The following RSRC1 variants were observed in gnomAD, a reference collection of about 807,000 sequenced individuals.
The protein encoded by RSRC1 is serine/Arginine-related protein 53.
Under a neutral mutation model 49.1 loss-of-function variants are expected in RSRC1, and 39 were observed. The ratio of observed to expected loss-of-function variants is 0.79; its 90% CI spans 0.61 to 1.04. The LOEUF (loss-of-function observed/expected upper bound fraction) is 1.04. Ranked by LOEUF, RSRC1 falls within the 50% of genes least tolerant of loss-of-function variation. The probability of loss-of-function intolerance (pLI) is 0.00; values close to 1 mark genes in which losing one functional copy is unlikely to be tolerated. For missense variants in RSRC1, 388 were observed against 402.4 expected (o/e 0.96, Z 0.31); for synonymous variants, 143 against 130.8 (o/e 1.09, Z -0.63).
intron 5 of RSRC1, among the ~76,000 whole-genome samples, chr3:158,338,644 C>T (rs979953131): frequency 1.3e-5 from 2 of 152,174 alleles, no homozygotes; most frequent in African/African-American, 4.8e-5. Flanking sequence ...TTAATGGTAG[C>T]ATCCAAAGAC....
chr3:158,284,844 GC>G (rs1465513950), intron 4 of RSRC1, among the ~76,000 whole-genome samples: 2 of 149,480 alleles, frequency 1.3e-5, no homozygotes, highest in Non-Finnish European at 3.0e-5. Flanking sequence ...TTTGTAGGTT[GC>G]CTCTTCACTC....
At position 158,515,753 on chromosome 3, in the gene RSRC1, G is replaced by A. The variant is rs1217618806; in HGVS notation, c.653-21339G>A. Among the ~76,000 whole-genome samples the A allele has an allele frequency of 4.7e-5, 7 of 150,530 alleles. No homozygotes were observed. In the South Asian group the frequency reaches 6.4e-4, roughly 14 times the overall value. On this transcript the variant is annotated intron_variant, in intron 7 of 9. Coordinates refer to ENST00000611884, the MANE Select transcript of RSRC1 (RefSeq NM_001271838.2). The stretch of plus-strand genomic sequence containing the variant: ...AGGTACACCAATCAGACGTAGATTT[G>A]GTCTTTTCACATAGTCCCATATTTC...
At chr3:158,228,775 ATG>A (rs1007117667) in intron 4 of RSRC1, among the ~76,000 whole-genome samples, 4 of 151,334 alleles carry the variant, frequency 2.6e-5, no homozygotes, top group African/African-American at 4.8e-5. Flanking sequence ...GTATATATAT[ATG>A]TGTGTGTGTA....
intron 6 of RSRC1, among the ~76,000 whole-genome samples, chr3:158,387,665 A>C (rs1331283843): frequency 6.6e-6 from 1 of 152,180 alleles, no homozygotes; most frequent in African/African-American, 2.4e-5. Flanking sequence ...CCTTACAAGT[A>C]TTGGTATGGT....
intron 3 of RSRC1, among the ~76,000 whole-genome samples, chr3:158,187,796 T>C (rs903822661): frequency 1.3e-5 from 2 of 151,998 alleles, no homozygotes; most frequent in Admixed American, 6.6e-5. Flanking sequence ...CCCCCAAAAA[T>C]AGTGTTGTTG....
intron 5 of RSRC1, among the ~76,000 whole-genome samples, chr3:158,300,292 G>A (rs756001479): frequency 2.0e-5 from 3 of 152,144 alleles, no homozygotes; most frequent in Non-Finnish European, 4.4e-5. Context: ...GTAACTTTAT[G>A]TTGTAATCGA....
intron 4 of RSRC1, among the ~76,000 whole-genome samples, chr3:158,287,916 T>A (rs1225825479): frequency 6.6e-6 from 1 of 152,214 alleles, no homozygotes; most frequent in Non-Finnish European, 1.5e-5. Flanking sequence ...TTGTAGCCCA[T>A]ATGGCAACTT....
rs556350146 is a variant in RSRC1, at chr3:158,516,845, A to G, written c.653-20247A>G. Among the ~76,000 whole-genome samples, 5 of 152,242 alleles carry G rather than the reference A, an allele frequency of 3.3e-5. No homozygotes were observed. In the East Asian group the frequency reaches 9.6e-4, roughly 29 times the overall value. On this transcript the variant is annotated intron_variant, in intron 7 of 9. Transcript: ENST00000611884. ...CGGAAAAGTGCGGTATTCAGGTGGG[A>G]GTGACCCGATTTTCCAGGTGCCGTC...
At chr3:158,166,210 T>C (rs1718522200) in intron 3 of RSRC1, among the ~76,000 whole-genome samples, 3 of 152,214 alleles carry the variant, frequency 2.0e-5, no homozygotes, top group Admixed American at 6.5e-5. Context: ...AGTAATGTAG[T>C]GCTTTTATCG....
intron 4 of RSRC1, among the ~76,000 whole-genome samples, chr3:158,245,183 A>G (rs1159571751): frequency 6.7e-6 from 1 of 148,520 alleles, no homozygotes; most frequent in African/African-American, 2.4e-5. Flanking sequence ...CCCTCTTAAC[A>G]TTGCTTTAGT....
Position 158,110,105 on chromosome 3 carries a change from T to A in RSRC1, c.-121T>A, listed in dbSNP as rs573698664. ...CCTGGCGCTAGAACCAGGAAGGCGCTGAGCTTAAACTGAAGCAAGTTCGGT... is the reference window on the plus strand; with the variant it reads ...CCTGGCGCTAGAACCAGGAAGGCGCAGAGCTTAAACTGAAGCAAGTTCGGT... On this transcript the variant is annotated 5_prime_UTR_variant, in exon 1 of 10. Coordinates refer to ENST00000611884, the MANE Select transcript of RSRC1 (RefSeq NM_001271838.2). 6.6e-6 allele frequency: 1 copy of A among 152,256 alleles called. No individual in the cohort carries two copies. 9.4% of individuals were successfully genotyped at this position (152,256 alleles called of 1,614,324 possible).
intron 4 of RSRC1, among the ~76,000 whole-genome samples, chr3:158,246,665 T>A (rs1346296287): frequency 6.6e-6 from 1 of 152,234 alleles, no homozygotes; most frequent in Non-Finnish European, 1.5e-5. Context: ...GATATGAAAT[T>A]CTGGGTTGGC....
intron 7 of RSRC1, among the ~76,000 whole-genome samples, chr3:158,467,242 G>A (rs1737931927): frequency 6.6e-6 from 1 of 152,048 alleles, no homozygotes; most frequent in Admixed American, 6.6e-5. Flanking sequence ...TGAAAAATCA[G>A]TCAAAGAGAA....
chr3:158,373,395 C>T (rs181906963), intron 6 of RSRC1, among the ~76,000 whole-genome samples: 3 of 151,744 alleles, frequency 2.0e-5, no homozygotes, highest in Admixed American at 1.3e-4. Flanking sequence ...ACGTTGAGGA[C>T]GTTTTCTTCT....
chr3:158,350,743 G>T (rs2222326), intron 5 of RSRC1, among the ~76,000 whole-genome samples: 7 of 151,698 alleles, frequency 4.6e-5, no homozygotes, highest in Non-Finnish European at 1.0e-4. Context: ...TATTCTTTGC[G>T]TCTGTATTTG....
intron 6 of RSRC1, among the ~76,000 whole-genome samples, chr3:158,373,992 C>T (rs1307959256): frequency 6.6e-6 from 1 of 151,960 alleles, no homozygotes; most frequent in African/African-American, 2.4e-5. Context: ...GGTAATTGTT[C>T]TGAGAGTAAT....
rs139058586 is a variant in RSRC1, at chr3:158,499,552, T to C, written c.653-37540T>C. Among the ~76,000 whole-genome samples the C allele has an allele frequency of 7.5e-3, 1,145 of 152,280 alleles. 22 individuals are homozygous for C. The highest frequency in any genetic ancestry group is 0.027 in the African/African-American group (1,110 of 41,556). On this transcript the variant is annotated intron_variant, in intron 7 of 9. Coordinates refer to ENST00000611884, the MANE Select transcript of RSRC1 (RefSeq NM_001271838.2). Reference sequence around the variant, plus strand: ...CCATTTGTTTGTGTCATCTATGATTTCTTTCAGCAGTGTTTTGTAGTTTTC... The same window carrying C: ...CCATTTGTTTGTGTCATCTATGATTCCTTTCAGCAGTGTTTTGTAGTTTTC...
intron 7 of RSRC1, among the ~76,000 whole-genome samples, chr3:158,505,032 G>A (rs1739787278): frequency 6.6e-6 from 1 of 152,142 alleles, no homozygotes; most frequent in African/African-American, 2.4e-5. Flanking sequence ...TTTATGGGTA[G>A]CTTTGGCCTT....
chr3:158,127,756 G>GTTTTTTGT (rs1715723420), intron 3 of RSRC1, among the ~76,000 whole-genome samples: 1 of 81,240 alleles, frequency 1.2e-5, no homozygotes, highest in Non-Finnish European at 2.3e-5. Context: ...CTGCTTTGTG[G>GTTTTTTGT]TTTTTTTTTT....
Sources: allele counts gnomAD v4.1 joint callset (sites outside exome capture counted in the v4.1 genomes callset), GRCh38; gene constraint gnomAD v4.1.1; transcripts MANE v1.5; gene names NCBI Gene and HGNC (gene_info 2026-07-23, HGNC 2026-07-21).